The following COL27A1 variants were observed in gnomAD, a reference collection of about 807,000 sequenced individuals.
COL27A1 encodes collagen alpha-1(XXVII) chain.
In COL27A1, 106 loss-of-function variants were observed where a neutral mutation model predicts 251.3. The observed-to-expected ratio is 0.42, with a 90% CI of 0.36 to 0.50. The LOEUF (loss-of-function observed/expected upper bound fraction) is 0.50, where lower values mean the gene tolerates loss of function less well. COL27A1 is among the 20% of genes least tolerant of loss of function. The probability of loss-of-function intolerance (pLI) is 0.00; values close to 1 mark genes in which losing one functional copy is unlikely to be tolerated. For synonymous variants in COL27A1, 1,000 were observed against 986.3 expected (o/e 1.01, Z -0.26); for missense variants, 2,325 against 2,522.8 (o/e 0.92, Z 1.68).
chr9:114,289,258 G>C lies in COL27A1; in HGVS notation c.4169G>C (p.Arg1390Pro), dbSNP rs770455470. The change falls in exon 45 of 61, where the codon CGG (arginine) becomes CCG (proline). Residue 1390 changes from arginine (R) to proline (P), a missense_variant. Physicochemically the swap from Arg to Pro is moderately radical, Grantham distance 103. Around this residue, in one of 4 missense-constraint regions of COL27A1, gnomAD observed 662 missense variants for 795.3 expected, o/e 0.83. Transcript: ENST00000356083. ...GGTTTGCAGGGGCATCCGGGACCCC[G>C]GGGGTGGCCGGGACCCAAAGGATCG... Reference protein sequence around the residue: ...QQGQPGHPGPRGWPGPKGSKG... With the variant: ...QQGQPGHPGPPGWPGPKGSKG... 4 of 1,588,010 alleles carry C rather than the reference G, an allele frequency of 2.5e-6. No individual in the cohort carries two copies. Among genetic ancestry groups the C allele is most frequent in the African/African-American group, 1.3e-5 (1 of 74,108 alleles).
intron 27 of COL27A1, 138 bp from the exon 28 acceptor site, chr9:114,258,403 C>T: frequency 1.3e-6 from 1 of 766,038 alleles, no homozygotes; most frequent in Non-Finnish European, 2.1e-6. Flanking sequence ...CATGTGGAGG[C>T]TGCTGGGGCC....
chr9:114,211,699 C>T (rs535583201), intron 12 of COL27A1, among the ~76,000 whole-genome samples: 40 of 152,332 alleles, frequency 2.6e-4, no homozygotes, highest in African/African-American at 9.4e-4. Context: ...GGTTTGTTCC[C>T]GGTGTCTTTG....
intron 49 of COL27A1, among the ~76,000 whole-genome samples, chr9:114,293,795 G>A (rs1828078139): frequency 6.6e-6 from 1 of 152,070 alleles, no homozygotes; most frequent in South Asian, 2.1e-4. Flanking sequence ...TTCCTTGAAA[G>A]ACAAAACTAC....
In COL27A1 at chr9:114,155,982, G is replaced by A; in HGVS notation, c.32G>A (p.Gly11Asp). ...GCGGGATCGGCGCGGGGGGCCCGAG[G>A]CACAGCGGCGGCGGCGGCGGCGCGC... MGAGSARGAR[G>D]TAAAAAARGG... Residue 11 changes from glycine to aspartate, a missense_variant, in exon 1 of 61, where the codon GGC (glycine) becomes GAC (aspartate). By Grantham distance (94) the Gly-to-Asp change is moderately conservative. Transcript: ENST00000356083. The surrounding 1 kb of genome is among the most constrained non-coding windows in gnomAD (Gnocchi z 5.5). 7.7e-7 allele frequency: 1 copy of A among 1,294,528 alleles called. No homozygotes were observed. The highest frequency in any genetic ancestry group is 9.8e-7 in the Non-Finnish European group (1 of 1,018,522). 80.2% of individuals were successfully genotyped at this position (1,294,528 alleles called of 1,614,324 possible).
At chr9:114,185,766 G>A (rs1828292959) in intron 5 of COL27A1, among the ~76,000 whole-genome samples, 1 of 152,216 alleles carries the variant, frequency 6.6e-6, no homozygotes, top group Non-Finnish European at 1.5e-5. Context: ...CCCACTACGG[G>A]CTGTTGACAG....
At chr9:114,182,970 T>A in intron 4 of COL27A1, 52 bp from the exon 5 acceptor site, 8 of 1,510,142 alleles carry the variant, frequency 5.3e-6, no homozygotes, top group Non-Finnish European at 7.4e-6. Context: ...AGAGGCGAGA[T>A]GGCCCCTGTT....
rs1019044363 is a variant in COL27A1 at position 114,292,184 on chromosome 9, G to A, written c.4558G>A (p.Gly1520Arg). The A allele has an allele frequency of 6.4e-7, 1 of 1,556,674 alleles. No homozygotes were observed. Among genetic ancestry groups the A allele is most frequent in the Non-Finnish European group, 8.7e-7 (1 of 1,150,016 alleles). ...CAGAACGGGGCTCCCTGGAAACCAG[G>A]GGGAGCCTGGGTCCAAAGGCCAGCC... ...EGRTGLPGNQGEPGSKGQPGD... is the reference protein window; with the variant it reads ...EGRTGLPGNQREPGSKGQPGD... The change falls in exon 49 of 61, where the codon GGG (glycine) becomes AGG (arginine). Residue 1520 changes from glycine (G) to arginine (R), a missense_variant. This residue lies in a region of COL27A1 where 153 missense variants were observed against 140.7 expected (regional missense o/e 1.09). Transcript: ENST00000356083.
intron 36 of COL27A1, 77 bp downstream of exon 36, chr9:114,270,858 C>T (rs886478510): frequency 9.3e-7 from 1 of 1,079,124 alleles, no homozygotes; most frequent in Non-Finnish European, 1.4e-6. Context: ...AGTCTCCTCC[C>T]AGAAACACTG....
In COL27A1 at chr9:114,307,504, G is replaced by T. The variant is rs982450599; in HGVS notation, c.5108-165G>T. On this transcript the variant is annotated intron_variant, in intron 58 of 60. Transcript: ENST00000356083. ...GCCAGTTGTGAGCTCTGCCCAGAAG[G>T]TTTCCTTCCATCTCGGTTGGAGGAA... 6.6e-5 allele frequency: 41 copies of T among 617,158 alleles called. No homozygotes were observed. In the South Asian group the frequency reaches 7.7e-4, roughly 12 times the overall value. 38.2% of individuals were successfully genotyped at this position (617,158 alleles called of 1,614,324 possible). A position where few individuals can be genotyped will look rare whatever the true frequency, so the allele number is the denominator to read the frequency against.
In COL27A1 at chr9:114,231,961, C is replaced by T. The variant is rs79353743; in HGVS notation, c.2565+95C>T. ...CTGCTGATTTCTCGCCAGGTCCACT[C>T]CCCTGCACTCTTCCTGCCTCTCCTC... On this transcript the variant is annotated intron_variant, in intron 16 of 60. Coordinates refer to ENST00000356083, the MANE Select transcript of COL27A1 (RefSeq NM_032888.4). 3.6e-4 allele frequency: 420 copies of T among 1,176,388 alleles called. 4 individuals are homozygous for T. In the East Asian group the frequency reaches 9.2e-3, roughly 26 times the overall value. 72.9% of individuals were successfully genotyped at this position (1,176,388 alleles called of 1,614,324 possible).
chr9:114,295,269 A>G (rs1828184345), intron 49 of COL27A1, among the ~76,000 whole-genome samples: 1 of 152,242 alleles, frequency 6.6e-6, no homozygotes, highest in South Asian at 2.1e-4. Context: ...GAACTATAGA[A>G]CACTGGTAAG....
At chr9:114,213,838 T>G (rs919101148) in intron 12 of COL27A1, among the ~76,000 whole-genome samples, 4 of 152,226 alleles carry the variant, frequency 2.6e-5, no homozygotes, top group African/African-American at 4.8e-5. Flanking sequence ...TGAGAACTTC[T>G]GTCTGCTTCC....
chr9:114,289,704 T>C (rs889397672), intron 45 of COL27A1, among the ~76,000 whole-genome samples: 10 of 151,884 alleles, frequency 6.6e-5, no homozygotes, highest in African/African-American at 1.5e-4. Context: ...GCCCCCAGAC[T>C]GGGCCAGTGC....
chr9:114,245,993 A>C, intron 24 of COL27A1, 83 bp downstream of exon 24: 2 of 1,179,764 alleles, frequency 1.7e-6, no homozygotes, highest in Non-Finnish European at 2.5e-6. Flanking sequence ...AGCACCCTCC[A>C]TGCACCACCT....
At chr9:114,274,458 G>T (rs986152594) in intron 36 of COL27A1, among the ~76,000 whole-genome samples, 1 of 152,162 alleles carries the variant, frequency 6.6e-6, no homozygotes, top group Non-Finnish European at 1.5e-5. Context: ...CTGTAAAATG[G>T]GACTAAAAGC....
intron 28 of COL27A1, among the ~76,000 whole-genome samples, chr9:114,259,283 C>A (rs1834153832): frequency 6.6e-6 from 1 of 152,138 alleles, no homozygotes; most frequent in Admixed American, 6.5e-5. Flanking sequence ...AAAGCCACAG[C>A]TATACTCCAA....
chr9:114,253,794 T>C (rs535572806), intron 27 of COL27A1, among the ~76,000 whole-genome samples: 46 of 152,368 alleles, frequency 3.0e-4, no homozygotes, highest in African/African-American at 9.1e-4. Context: ...GTTTGTTCCC[T>C]GGAAGCATTT....
chr9:114,173,320 C>A (rs1272451157), intron 3 of COL27A1, among the ~76,000 whole-genome samples: 1 of 152,258 alleles, frequency 6.6e-6, no homozygotes, highest in Non-Finnish European at 1.5e-5. Flanking sequence ...AAGGGCCTGG[C>A]CCACACCACG....
At chr9:114,288,575 T>C in intron 42 of COL27A1, 64 bp downstream of exon 42, 1 of 1,550,088 alleles carries the variant, frequency 6.5e-7, no homozygotes, top group Admixed American at 1.9e-5. Context: ...TCCCGCTGCA[T>C]GGAGAGGGGT....
Sources: gnomAD v4.1 joint callset for allele counts (sites outside exome capture counted in the v4.1 genomes callset) on GRCh38, gnomAD v4.1.1 for gene constraint, gnomAD v4.1.1 regional missense constraint, Gnocchi (gnomAD v3.1) non-coding constraint, MANE v1.5 for transcripts, NCBI Gene and HGNC (gene_info 2026-07-23, HGNC 2026-07-21) for gene names.